The following CCDC92 variants were observed in gnomAD, a reference collection of about 807,000 sequenced individuals.
CCDC92 encodes the protein coiled-coil domain containing 92.
CCDC92 carries 12 observed loss-of-function variants against 24.9 expected under a neutral mutation model. That is an observed-to-expected ratio of 0.48 (90% confidence interval 0.31 to 0.78). The LOEUF (loss-of-function observed/expected upper bound fraction) is 0.78. Ranked by LOEUF, CCDC92 falls within the 30% of genes least tolerant of loss-of-function variation. The pLI, the probability that CCDC92 is intolerant of heterozygous loss-of-function variation, is 0.05. For missense variants in CCDC92, 399 were observed against 439.4 expected (o/e 0.91, Z 0.82); for synonymous variants, 193 against 196.3 (o/e 0.98, Z 0.14).
chr12:123,949,736 C>A (rs1402800660), intron 1 of CCDC92, among the ~76,000 whole-genome samples: 2 of 152,230 alleles, frequency 1.3e-5, no homozygotes, highest in Non-Finnish European at 2.9e-5. Flanking sequence ...AAAGGCTTTT[C>A]ATTCCAAATC....
chr12:123,938,455 C>T (rs542486547), intron 4 of CCDC92, among the ~76,000 whole-genome samples: 65 of 152,118 alleles, frequency 4.3e-4, no homozygotes, highest in African/African-American at 1.5e-3. Flanking sequence ...CCTAACACTT[C>T]GGGCCTCTGC....
chr12:123,966,505 A>T (rs2138201721), intron 1 of CCDC92: 1 of 152,320 alleles, frequency 6.6e-6, no homozygotes, highest in South Asian at 2.1e-4. Context: ...AGTGCATCTC[A>T]TTCCCAGGTT....
intron 1 of CCDC92, chr12:123,960,983 T>C (rs1478045094): frequency 1.3e-5 from 2 of 152,232 alleles, no homozygotes; most frequent in African/African-American, 4.8e-5. Context: ...AGGTGAAAGA[T>C]CAAGCCAGCA....
chr12:123,964,149 G>T (rs1956337704), intron 1 of CCDC92, among the ~76,000 whole-genome samples: 1 of 152,000 alleles, frequency 6.6e-6, no homozygotes, highest in South Asian at 2.1e-4. Context: ...TTTTCTACTT[G>T]GAAAAGGTCT....
intron 1 of CCDC92, among the ~76,000 whole-genome samples, chr12:123,951,228 G>A (rs532233008): frequency 3.9e-5 from 6 of 152,146 alleles, no homozygotes; most frequent in East Asian, 1.9e-4. Flanking sequence ...CACTGCGTTC[G>A]TCAAAAAGCA....
intron 1 of CCDC92, among the ~76,000 whole-genome samples, chr12:123,970,575 T>A (rs575189506): frequency 7.9e-5 from 12 of 152,256 alleles, no homozygotes; most frequent in African/African-American, 2.9e-4. Context: ...AGTTAGCACC[T>A]ACCTAGCCGG....
intron 4 of CCDC92, among the ~76,000 whole-genome samples, chr12:123,940,987 C>T (rs2137892578): frequency 8.0e-6 from 1 of 124,294 alleles, no homozygotes; most frequent in East Asian, 2.8e-4. Flanking sequence ...GCTGTGAGAC[C>T]CTGCTGCTGC....
chr12:123,942,857 A>G, intron 3 of CCDC92, 72 bp from the exon 4 acceptor site: 1 of 1,260,042 alleles, frequency 7.9e-7, no homozygotes, highest in Non-Finnish European at 1.2e-6. Context: ...TGAAAATGCA[A>G]AACCGATTCC....
intron 1 of CCDC92, among the ~76,000 whole-genome samples, chr12:123,959,979 C>T (rs1027973352): frequency 1.3e-5 from 2 of 152,200 alleles, no homozygotes; most frequent in Admixed American, 1.3e-4. Flanking sequence ...CCAGTGCTCA[C>T]CTTGTACTGC....
intron 1 of CCDC92, chr12:123,968,416 ATGC>A (rs1375123965): frequency 6.6e-6 from 1 of 152,232 alleles, no homozygotes; most frequent in African/African-American, 2.4e-5. Context: ...AACCTTGAAA[ATGC>A]TGCTTTCTAA....
chr12:123,944,657 C>T (rs1955791274), intron 1 of CCDC92: 2 of 217,008 alleles, frequency 9.2e-6, no homozygotes, highest in Non-Finnish European at 1.8e-5. Context: ...TCATAACGAA[C>T]TTCAGACATA....
At chr12:123,968,570 A>T (rs1032613772) in intron 1 of CCDC92, 1 of 152,160 alleles carries the variant, frequency 6.6e-6, no homozygotes, top group Non-Finnish European at 1.5e-5. Flanking sequence ...TTTTCCCTTC[A>T]TGCATACAGC....
chr12:123,947,165 C>T (rs958447968), intron 1 of CCDC92, among the ~76,000 whole-genome samples: 1 of 152,204 alleles, frequency 6.6e-6, no homozygotes, highest in African/African-American at 2.4e-5. Context: ...GCGCTGCACT[C>T]AATTTCTCAC....
At chr12:123,949,905 C>A (rs773438132) in intron 1 of CCDC92, among the ~76,000 whole-genome samples, 2 of 152,220 alleles carry the variant, frequency 1.3e-5, no homozygotes, top group Non-Finnish European at 2.9e-5. Context: ...CAGCTCAAGC[C>A]GAATTCCATC....
At chr12:123,945,462 G>A (rs371945431) in intron 1 of CCDC92, 1 of 152,296 alleles carries the variant, frequency 6.6e-6, no homozygotes, top group African/African-American at 2.4e-5. Context: ...AAAGGAGCCA[G>A]CTACAACCAA....
intron 1 of CCDC92, among the ~76,000 whole-genome samples, chr12:123,963,184 GT>G (rs1278513301): frequency 1.3e-5 from 2 of 152,236 alleles, no homozygotes; most frequent in African/African-American, 4.8e-5. Flanking sequence ...GGTCAAGAGA[GT>G]TTTGGCTGAG....
Position 123,937,142 on chromosome 12 carries a change from C to A in CCDC92, c.912G>T (p.Gln304His), listed in dbSNP as rs757094564. ...RIHHATPPQA[Q>H]PEVKTLAVDQ... ...CGACCGCCAGGGTCTTCACCTCGGGCTGGGCCTGCGGCGGGGTGGCGTGGT... is the reference window on the plus strand; with the variant it reads ...CGACCGCCAGGGTCTTCACCTCGGGATGGGCCTGCGGCGGGGTGGCGTGGT... The change falls in exon 5 of 5, where the codon CAG becomes CAT. Residue 304 changes from glutamine to histidine, a missense_variant. By Grantham distance (24) the Gln-to-His change is conservative (BLOSUM62 0). Transcript: ENST00000238156. The surrounding 1 kb of genome is among the most constrained non-coding windows in gnomAD (Gnocchi z 8.4). The A allele has an allele frequency of 1.5e-5, 24 of 1,612,932 alleles. No homozygotes were observed. In the Admixed American group the frequency reaches 1.7e-4, roughly 11 times the overall value.
chr12:123,942,894 G>C (rs1955730581), intron 3 of CCDC92, 109 bp from the exon 4 acceptor site: 1 of 870,062 alleles, frequency 1.1e-6, no homozygotes, highest in South Asian at 1.4e-5. Flanking sequence ...GTCCTACCCA[G>C]ACAGAGCAGG....
chr12:123,943,277 C>T, intron 3 of CCDC92, 70 bp downstream of exon 3: 2 of 1,551,452 alleles, frequency 1.3e-6, no homozygotes, highest in Admixed American at 1.7e-5. Flanking sequence ...AGGCCTAGCA[C>T]ATTCTGACGC....
Sources: allele counts gnomAD v4.1 joint callset (sites outside exome capture counted in the v4.1 genomes callset), GRCh38; gene constraint gnomAD v4.1.1; non-coding constraint Gnocchi (gnomAD v3.1); transcripts MANE v1.5; gene names NCBI Gene and HGNC (gene_info 2026-07-23, HGNC 2026-07-21).